Variants in ANXA9 observed in about 807,000 individuals in gnomAD.
The protein encoded by ANXA9 is annexin A9.
Under a neutral mutation model 51.8 loss-of-function variants are expected in ANXA9, and 47 were observed. The observed-to-expected ratio is 0.91, with a 90% CI of 0.72 to 1.16. The LOEUF is 1.16. ANXA9 is among the 50% of genes most tolerant of loss of function. The probability of loss-of-function intolerance (pLI) is 0.00; values close to 1 mark genes in which losing one functional copy is unlikely to be tolerated. For synonymous variants in ANXA9, 154 were observed against 168.7 expected, an observed-to-expected ratio of 0.91 and a Z score of 0.68; for missense variants, 361 against 424.7, an observed-to-expected ratio of 0.85 and a Z score of 1.32.
intron 12 of ANXA9, among the ~76,000 whole-genome samples, chr1:150,991,515 C>T (rs1008571032): frequency 6.7e-6 from 1 of 150,178 alleles, no homozygotes; most frequent in African/African-American, 2.5e-5. Flanking sequence ...GATTACAGGC[C>T]TGAGCCAAGG....
chr1:150,990,740 T>C (rs1341632722), intron 12 of ANXA9, among the ~76,000 whole-genome samples: 8 of 152,132 alleles, frequency 5.3e-5, no homozygotes, highest in Middle Eastern at 3.4e-3. Context: ...CTCAGCTACT[T>C]GGGAGGCTGA....
At chr1:150,987,842 A>C (rs1671604926) in intron 9 of ANXA9, 30 bp from the exon 10 acceptor site, 1 of 1,594,150 alleles carries the variant, frequency 6.3e-7, no homozygotes, top group African/African-American at 1.3e-5. Flanking sequence ...ATCCTGATTG[A>C]CTCCTCCCTG....
At chr1:150,981,088 A>G (rs1005377352), upstream of ANXA9, among the ~76,000 whole-genome samples, 3 of 152,298 alleles carry the variant, frequency 2.0e-5, no homozygotes, top group Non-Finnish European at 4.4e-5. Flanking sequence ...TGAAAGGACT[A>G]GCGAAGCTTA....
chr1:150,988,138 G>T lies in ANXA9; in HGVS notation c.745G>T (p.Val249Phe). The T allele has an allele frequency of 6.2e-7, 1 of 1,614,220 alleles. No individual in the cohort carries two copies. The highest frequency in any genetic ancestry group is 8.5e-7 in the Non-Finnish European group (1 of 1,180,046). Residue 249 changes from valine to phenylalanine, a missense_variant, in exon 11 of 14, where the codon GTC (valine) becomes TTC (phenylalanine). Val to Phe is a conservative substitution (Grantham distance 50). Coordinates refer to ENST00000368947, the MANE Select transcript of ANXA9 (RefSeq NM_003568.3). ...RSTGQELEEA[V>F]QNRFHGDAQV... The stretch of plus-strand genomic sequence containing the variant: ...CACTGGGCAAGAGCTGGAGGAGGCT[G>T]TCCAGAACCGTTTCCATGGAGATGC...
chr1:150,983,308 G>A (rs1213989301), intron 3 of ANXA9, 30 bp from the exon 4 acceptor site: 5 of 1,611,136 alleles, frequency 3.1e-6, no homozygotes, highest in Admixed American at 1.7e-5. Context: ...CCTGGCCCTG[G>A]CCCTTGCCAA....
chr1:150,986,841 C>G (rs980430878), intron 9 of ANXA9, among the ~76,000 whole-genome samples, 180 bp downstream of exon 9: 2 of 152,112 alleles, frequency 1.3e-5, no homozygotes, highest in South Asian at 2.1e-4. Flanking sequence ...ATAGCTGAAG[C>G]CTTTTCACTC....
At chr1:150,980,369 C>G (rs1399444139), upstream of ANXA9, among the ~76,000 whole-genome samples, 2 of 151,130 alleles carry the variant, frequency 1.3e-5, no homozygotes, top group Non-Finnish European at 2.9e-5. Flanking sequence ...GCACTCCAGC[C>G]TGGGCAACAG....
intron 12 of ANXA9, 34 bp downstream of exon 12, chr1:150,988,375 G>T: frequency 3.7e-6 from 6 of 1,608,220 alleles, no homozygotes; most frequent in Non-Finnish European, 5.1e-6. Flanking sequence ...CCCCAGAACA[G>T]AAACTGGGGA....
chr1:150,990,145 C>T (rs1047894683), intron 12 of ANXA9, among the ~76,000 whole-genome samples: 1 of 151,378 alleles, frequency 6.6e-6, no homozygotes, highest in Non-Finnish European at 1.5e-5. Flanking sequence ...CTCGTCTCTA[C>T]AAAAATAAGA....
intron 3 of ANXA9, 62 bp downstream of exon 3, chr1:150,983,242 G>C (rs587727571): frequency 9.9e-5 from 159 of 1,602,346 alleles, no homozygotes; most frequent in Non-Finnish European, 1.3e-4. Flanking sequence ...GTGAGAGGAT[G>C]GGAGGCAGGA....
At chr1:150,977,741 C>T (rs1204040191), upstream of ANXA9, among the ~76,000 whole-genome samples, 3 of 152,136 alleles carry the variant, frequency 2.0e-5, no homozygotes, top group Admixed American at 6.6e-5. Flanking sequence ...GATTCAGGGG[C>T]CAGGAGTATC....
Position 150,986,611 on chromosome 1 carries a change from G to A in ANXA9, c.562G>A (p.Asp188Asn). Residue 188 changes from aspartate to asparagine, a missense_variant, in exon 9 of 14, where the codon GAC becomes AAC. Physicochemically the swap from Asp to Asn is conservative, Grantham distance 23. Transcript: ENST00000368947. Reference protein sequence around the residue: ...LLLALAKGGRDSYSGIIDYNL... With the variant: ...LLLALAKGGRNSYSGIIDYNL... ...CAGTTTCTCCTCCTAGGGGGGCCGT[G>A]ACAGCTACTCTGGAATCATTGACTA... 2 of 1,607,738 alleles carry A rather than the reference G, an allele frequency of 1.2e-6. No individual in the cohort carries two copies. Among genetic ancestry groups the A allele is most frequent in the Non-Finnish European group, 1.7e-6 (2 of 1,178,180 alleles).
intron 12 of ANXA9, among the ~76,000 whole-genome samples, chr1:150,993,566 T>TGTAA (rs1671756697): frequency 6.6e-6 from 1 of 151,172 alleles, no homozygotes; most frequent in Non-Finnish European, 1.5e-5. Context: ...TGCCTTGGCC[T>TGTAA]CCCAAAATTC....
rs1671787633 is a variant in ANXA9 at position 150,994,645 on chromosome 1, T to A, written c.921T>A (p.Ser307Arg). ...CTCGATGTGAGACTGACCTTCTGAG[T>A]ATCAGAGCTGAGTTCAGGAAGAAAT... Reference protein sequence around the residue: ...LISRCETDLLSIRAEFRKKFG... With the variant: ...LISRCETDLLRIRAEFRKKFG... Residue 307 changes from serine to arginine, a missense_variant, in exon 13 of 14, where the codon AGT becomes AGA. Coordinates refer to ENST00000368947, the MANE Select transcript of ANXA9 (RefSeq NM_003568.3). 1 of 1,613,944 alleles carries A rather than the reference T, an allele frequency of 6.2e-7. No individual in the cohort carries two copies. The highest frequency in any genetic ancestry group is 1.7e-5 in the Admixed American group (1 of 59,992).
chr1:150,978,307 G>A (rs1277739262), upstream of ANXA9, among the ~76,000 whole-genome samples: 1 of 151,966 alleles, frequency 6.6e-6, no homozygotes, highest in Admixed American at 6.6e-5. Context: ...GGTGGGCCCT[G>A]TAATCCCAGC....
Position 150,984,319 on chromosome 1 carries a change from C to T in ANXA9, c.306C>T (p.Asn102=). The T allele has an allele frequency of 1.9e-6, 3 of 1,614,136 alleles. No homozygotes were observed. The highest frequency in any genetic ancestry group is 2.5e-6 in the Non-Finnish European group (3 of 1,180,038). ...CTCTACAGGCAGCACTTTCCGGCAACCTGGAGAGGATTGTGATGGCTCTGC... is the reference window on the plus strand; with the variant it reads ...CTCTACAGGCAGCACTTTCCGGCAATCTGGAGAGGATTGTGATGGCTCTGC... The part of the protein sequence containing the change: ...MKSLQAALSG[N]LERIVMALLQ... Residue 102 remains asparagine (N), a synonymous_variant, in exon 6 of 14, where the codon AAC becomes AAT. Transcript: ENST00000368947.
intron 4 of ANXA9, 79 bp from the exon 5 acceptor site, chr1:150,983,896 C>T (rs1036035911): frequency 4.9e-5 from 67 of 1,375,028 alleles, no homozygotes; most frequent in African/African-American, 4.8e-4. Context: ...TCTCCTGGAG[C>T]GCCTTCCCTC....
intron 5 of ANXA9, 55 bp downstream of exon 5, chr1:150,984,124 G>A: frequency 6.3e-7 from 1 of 1,575,950 alleles, no homozygotes; most frequent in Non-Finnish European, 8.7e-7. Flanking sequence ...ACCCCCTGGA[G>A]GACTCGAGAG....
chr1:150,994,765 C>A, intron 13 of ANXA9, 66 bp downstream of exon 13: 1 of 1,591,206 alleles, frequency 6.3e-7, no homozygotes, highest in Non-Finnish European at 8.6e-7. Flanking sequence ...CCCTCACTCC[C>A]TGCACACAGC....
Sources: allele counts gnomAD v4.1 joint callset (sites outside exome capture counted in the v4.1 genomes callset), GRCh38; gene constraint gnomAD v4.1.1; transcripts MANE v1.5; gene names NCBI Gene and HGNC (gene_info 2026-07-23, HGNC 2026-07-21).